Variants in DLGAP1 observed in about 807,000 individuals in gnomAD.
DLGAP1 encodes disks large-associated protein 1.
DLGAP1 carries 11 observed loss-of-function variants against 90.8 expected under a neutral mutation model. The ratio of observed to expected loss-of-function variants is 0.12; its 90% CI spans 0.08 to 0.20. The LOEUF (loss-of-function observed/expected upper bound fraction) is 0.20. Ranked by LOEUF, DLGAP1 falls within the 10% of genes least tolerant of loss-of-function variation. The pLI, the probability that DLGAP1 is intolerant of heterozygous loss-of-function variation, is 1.00. For missense variants in DLGAP1, 1,050 were observed against 1,333.8 expected, an observed-to-expected ratio of 0.79 and a Z score of 3.31; for synonymous variants, 558 against 540.7, an observed-to-expected ratio of 1.03 and a Z score of -0.44.
chr18:3,784,170 TG>T (rs1490991739), intron 5 of DLGAP1, among the ~76,000 whole-genome samples: 1 of 152,190 alleles, frequency 6.6e-6, no homozygotes, highest in African/African-American at 2.4e-5. Context: ...CATGTGTAAG[TG>T]GGAGGCCGAT....
intron 9 of DLGAP1, among the ~76,000 whole-genome samples, chr18:3,566,106 A>G (rs2054414064): frequency 6.6e-6 from 1 of 150,376 alleles, no homozygotes; most frequent in Admixed American, 6.6e-5. Context: ...GCTATAAATT[A>G]CAAAAGCATG....
intron 4 of DLGAP1, among the ~76,000 whole-genome samples, chr18:3,833,910 C>G (rs2068209903): frequency 6.6e-6 from 1 of 152,142 alleles, no homozygotes. Flanking sequence ...ATGAAAAACT[C>G]AGAATCCATT....
At chr18:3,645,427 G>C (rs927156828) in intron 7 of DLGAP1, among the ~76,000 whole-genome samples, 1 of 152,278 alleles carries the variant, frequency 6.6e-6, no homozygotes, top group African/African-American at 2.4e-5. Flanking sequence ...CTTTGAAAAT[G>C]TATTTCCAAC....
chr18:4,230,787 AAC>A (rs1413923298), intron 1 of DLGAP1, among the ~76,000 whole-genome samples: 1 of 151,302 alleles, frequency 6.6e-6, no homozygotes, highest in East Asian at 1.9e-4. Context: ...GATGGTTTGT[AAC>A]ACAAAGGATA....
At chr18:3,579,304 G>A (rs948097821) in intron 8 of DLGAP1, among the ~76,000 whole-genome samples, 3 of 152,160 alleles carry the variant, frequency 2.0e-5, no homozygotes, top group African/African-American at 7.2e-5. Flanking sequence ...TCCGTCTATC[G>A]GGTTCAAGGG....
chr18:3,703,449 G>A (rs571218496), intron 7 of DLGAP1, among the ~76,000 whole-genome samples: 1 of 152,350 alleles, frequency 6.6e-6, no homozygotes, highest in South Asian at 2.1e-4. Context: ...GACAGACACA[G>A]AAAATAGAGG....
At chr18:4,403,471 A>C (rs896283125) in intron 1 of DLGAP1, among the ~76,000 whole-genome samples, 1 of 152,206 alleles carries the variant, frequency 6.6e-6, no homozygotes, top group African/African-American at 2.4e-5. Flanking sequence ...TGTTTTTAGC[A>C]AAAAATTCTC....
intron 1 of DLGAP1, among the ~76,000 whole-genome samples, chr18:4,328,889 A>G (rs1444023241): frequency 6.6e-6 from 1 of 152,022 alleles, no homozygotes; most frequent in African/African-American, 2.4e-5. Flanking sequence ...TTTAATAAAA[A>G]TCAGGTTGCC....
intron 4 of DLGAP1, among the ~76,000 whole-genome samples, chr18:3,866,163 G>A (rs1186584554): frequency 6.6e-6 from 1 of 152,180 alleles, no homozygotes; most frequent in Non-Finnish European, 1.5e-5. Context: ...GGAGTCCCAG[G>A]ATCAATTGCT....
In DLGAP1 at chr18:3,909,825, C is replaced by A. The variant is rs548757329; in HGVS notation, c.-72-29685G>T. Among the ~76,000 whole-genome samples the A allele has an allele frequency of 4.1e-4, 63 of 152,226 alleles. 1 individual carries two copies. Among genetic ancestry groups the A allele is most frequent in the Admixed American group, 1.6e-3 (24 of 15,282 alleles). ...ATTTACCTAGAATTCTGGAAAACTC[C>A]ATATTAGATTATTACCTACATAATT... On this transcript the variant is annotated intron_variant, in intron 3 of 12. Coordinates refer to ENST00000315677, the MANE Select transcript of DLGAP1 (RefSeq NM_004746.4).
intron 10 of DLGAP1, among the ~76,000 whole-genome samples, chr18:3,528,114 TG>T (rs1259259695): frequency 6.6e-6 from 1 of 152,128 alleles, no homozygotes; most frequent in Non-Finnish European, 1.5e-5. Context: ...CCAGATCTCC[TG>T]GGGGGATTTT....
At chr18:4,061,348 G>A (rs4344852) in intron 2 of DLGAP1, among the ~76,000 whole-genome samples, 65,743 of 151,452 alleles carry the variant, frequency 0.43, 15,196 homozygotes, top group African/African-American at 0.6. Flanking sequence ...CTGAAGGTTT[G>A]AGGAAGTTGT....
chr18:3,921,607 T>C (rs1416446273), intron 3 of DLGAP1, among the ~76,000 whole-genome samples: 3 of 152,198 alleles, frequency 2.0e-5, no homozygotes, highest in African/African-American at 7.2e-5. Context: ...TCAAAGCACA[T>C]TGCAAACTGG....
Position 4,069,083 on chromosome 18 carries a change from T to C in DLGAP1, c.-158-63882A>G, listed in dbSNP as rs1266351345. Among the ~76,000 whole-genome samples the C allele has an allele frequency of 3.3e-5, 5 of 152,154 alleles. No individual in the cohort carries two copies. The East Asian group carries it at 9.6e-4, about 29-fold the overall frequency. ...TTACATTTTATGATTGCTCTGAGAG[T>C]ATATAGATAGATATTACCTGGCATG... On this transcript the variant is annotated intron_variant, in intron 2 of 12. Transcript: ENST00000315677.
At chr18:4,206,566 T>C (rs567935209) in intron 1 of DLGAP1, among the ~76,000 whole-genome samples, 6 of 152,086 alleles carry the variant, frequency 3.9e-5, no homozygotes, top group East Asian at 1.9e-4. Flanking sequence ...GTCTTTACAC[T>C]AGTTTGGAGA....
intron 7 of DLGAP1, among the ~76,000 whole-genome samples, chr18:3,686,175 AAAACAAACAAAC>A (rs59979923): frequency 4.0e-5 from 6 of 151,210 alleles, no homozygotes; most frequent in East Asian, 2.0e-4. Context: ...ACTCCATTTC[AAAACAAACAAAC>A]AAACAAACAA....
intron 1 of DLGAP1, among the ~76,000 whole-genome samples, chr18:4,262,133 T>TA (rs1195682795): frequency 6.6e-6 from 1 of 152,222 alleles, no homozygotes; most frequent in African/African-American, 2.4e-5. Flanking sequence ...TTTTCATCTT[T>TA]AAATGACACA....
chr18:3,933,269 T>C (rs550203740), intron 3 of DLGAP1, among the ~76,000 whole-genome samples: 43 of 152,260 alleles, frequency 2.8e-4, no homozygotes, highest in African/African-American at 9.9e-4. Context: ...TTCTGTAGCT[T>C]ATAGTGCGGT....
intron 4 of DLGAP1, among the ~76,000 whole-genome samples, chr18:3,820,178 A>T (rs916006044): frequency 2.6e-5 from 4 of 152,196 alleles, no homozygotes; most frequent in Admixed American, 6.5e-5. Flanking sequence ...GGTGTGGAGT[A>T]ATGAGAATGC....
Sources: allele counts gnomAD v4.1 joint callset (sites outside exome capture counted in the v4.1 genomes callset), GRCh38; gene constraint gnomAD v4.1.1; transcripts MANE v1.5; gene names NCBI Gene and HGNC (gene_info 2026-07-23, HGNC 2026-07-21).